The following UBA52 variants were observed in gnomAD, a reference collection of about 807,000 sequenced individuals.
UBA52 encodes the protein ubiquitin A-52 residue ribosomal protein fusion product 1.
In UBA52, 1 loss-of-function variant was observed where a neutral mutation model predicts 15.3. That is an observed-to-expected ratio of 0.07 (90% CI 0.02 to 0.31). The LOEUF (loss-of-function observed/expected upper bound fraction) is 0.31, where lower values mean the gene tolerates loss of function less well. Ranked by LOEUF, UBA52 falls within the 10% of genes least tolerant of loss-of-function variation. The pLI, the probability that UBA52 is intolerant of heterozygous loss-of-function variation, is 1.00. For synonymous variants in UBA52, 50 were observed against 58.3 expected, an observed-to-expected ratio of 0.86 and a Z score of 0.65; for missense variants, 87 against 168.0, an observed-to-expected ratio of 0.52 and a Z score of 2.66.
In UBA52 at chr19:18,575,642, T is replaced by C. The variant is rs1023042629; in HGVS notation, c.*492T>C. The C allele has an allele frequency of 2.2e-4, 38 of 172,078 alleles. No individual in the cohort carries two copies. The highest frequency in any genetic ancestry group is 7.2e-4 in the Admixed American group (13 of 17,970). 10.7% of individuals were successfully genotyped at this position (172,078 alleles called of 1,614,324 possible). ...TCTCACTATGTTGTCCAGGCTGGTCTTGAACTCCTGGGCTCAAGCCATCCG... is the reference window on the plus strand; with the variant it reads ...TCTCACTATGTTGTCCAGGCTGGTCCTGAACTCCTGGGCTCAAGCCATCCG... On this transcript the variant is annotated 3_prime_UTR_variant, in exon 5 of 5. Transcript: ENST00000442744.
Position 18,574,908 on chromosome 19 carries a change from A to G in UBA52, c.229A>G (p.Ile77Val). ...CCTGGTGTTGCGCCTGCGAGGTGGC[A>G]TTATTGAGCCTTCTCTCCGCCAGCT... ...LHLVLRLRGG[I>V]IEPSLRQLAQ... The change falls in exon 4 of 5, where the codon ATT (isoleucine) becomes GTT (valine). Residue 77 changes from isoleucine (I) to valine (V), a missense_variant. Ile to Val is a conservative substitution (Grantham distance 29, BLOSUM62 3). Transcript: ENST00000442744. 1.2e-6 allele frequency: 2 copies of G among 1,614,038 alleles called. No individual in the cohort carries two copies. Among genetic ancestry groups the G allele is most frequent in the Non-Finnish European group, 1.7e-6 (2 of 1,180,036 alleles).
At chr19:18,572,804 GGA>G (rs945086515) in intron 1 of UBA52, 42 of 1,009,712 alleles carry the variant, frequency 4.2e-5, no homozygotes, top group Admixed American at 2.6e-4. Context: ...GAGTTAGAGA[GGA>G]GAGAGGCTGC....
the UBA52 span, chr19:18,565,100 C>G: frequency 6.4e-7 from 1 of 1,571,250 alleles, no homozygotes; most frequent in South Asian, 1.1e-5. Flanking sequence ...CTTCACATAC[C>G]AGGGTAAAGG....
At chr19:18,570,317 C>G (rs560414704), upstream of UBA52, among the ~76,000 whole-genome samples, 1 of 151,774 alleles carries the variant, frequency 6.6e-6, no homozygotes, top group Non-Finnish European at 1.5e-5. Context: ...CCTCCTGCCT[C>G]CGAAGTAGCT....
rs759278216 is a variant in UBA52, at chr19:18,574,997, G to GA, written c.293+25_293+26insA. On this transcript the variant is annotated intron_variant, in intron 4 of 4. Coordinates refer to ENST00000442744, the MANE Select transcript of UBA52 (RefSeq NM_001033930.3). ...AGTATGTGTGCTCCGATGCTTGGGGGGCTGTGGGGGCTGCCGGAGTCGGGG... is the reference window on the plus strand; with the variant it reads ...AGTATGTGTGCTCCGATGCTTGGGGGAGCTGTGGGGGCTGCCGGAGTCGGGG... 1.9e-6 allele frequency: 3 copies of GA among 1,614,206 alleles called. No homozygotes were observed. The South Asian group carries it at 3.3e-5, about 18-fold the overall frequency.
upstream of UBA52, among the ~76,000 whole-genome samples, chr19:18,567,748 T>A (rs1468343573): frequency 6.6e-6 from 1 of 152,144 alleles, no homozygotes; most frequent in Non-Finnish European, 1.5e-5. Flanking sequence ...CACCATCTGT[T>A]GAAAAGGCCG....
At chr19:18,564,144 C>A in the UBA52 span, among the ~76,000 whole-genome samples, 6 of 152,012 alleles carry the variant, frequency 3.9e-5, no homozygotes, top group African/African-American at 1.2e-4. Flanking sequence ...CTTGACCTCC[C>A]AAAGCGCTGG....
rs10410234 is a variant in UBA52 at position 18,574,846 on chromosome 19, C to T, written c.191-24C>T. The T allele has an allele frequency of 2.1e-4, 334 of 1,611,020 alleles. 1 individual carries two copies. In the African/African-American group the frequency reaches 2.7e-3, roughly 13 times the overall value. ...AGGAGCCAGGGCTGGGCTCAGTCGC[C>T]GTCCTTCTGGCTGTCTCCTGCAGAG... is the stretch of plus-strand genomic sequence containing the variant. On this transcript the variant is annotated intron_variant, in intron 3 of 4. Transcript: ENST00000442744.
At position 18,576,048 on chromosome 19, in the gene UBA52, G is replaced by A. The variant is rs1161504018; in HGVS notation, c.*898G>A. The A allele has an allele frequency of 6.6e-6, 1 of 152,272 alleles. No individual in the cohort carries two copies. Among genetic ancestry groups the A allele is most frequent in the African/African-American group, 2.4e-5 (1 of 41,446 alleles). The allele number at this position is 152,272 out of a possible 1,614,324, so 9.4% of individuals were successfully genotyped here. Reference sequence around the variant, plus strand: ...GGCGTGAGCCAGCACGCCTGGCCCAGTTACTCAGTTTTGAATCTGAGGCCG... The same window carrying A: ...GGCGTGAGCCAGCACGCCTGGCCCAATTACTCAGTTTTGAATCTGAGGCCG... On this transcript the variant is annotated 3_prime_UTR_variant, in exon 5 of 5. Transcript: ENST00000442744.
chr19:18,573,598 C>T, intron 2 of UBA52, 64 bp from the exon 3 acceptor site: 11 of 1,558,784 alleles, frequency 7.1e-6, no homozygotes, highest in Middle Eastern at 1.7e-4. Context: ...TGGAGCTCCC[C>T]TGCAGAGGAC....
chr19:18,567,298 G>T, upstream of UBA52: 1 of 991,614 alleles, frequency 1.0e-6, no homozygotes, highest in East Asian at 2.5e-5. Flanking sequence ...CAGTGGGTCT[G>T]GGGAAACCTG....
In UBA52 at chr19:18,575,090, C is replaced by T. The variant is rs749028252; in HGVS notation, c.327C>T (p.Asn109=). 2 of 1,614,264 alleles carry T rather than the reference C, an allele frequency of 1.2e-6. No homozygotes were observed. The highest frequency in any genetic ancestry group is 2.2e-5 in the South Asian group (2 of 91,090). The change falls in exon 5 of 5, where the codon AAC becomes AAT. Residue 109 remains asparagine, a synonymous_variant. Transcript: ENST00000442744. The part of the protein sequence containing the change: ...CYARLHPRAV[N]CRKKKCGHTN... ...CTCGCCTTCACCCTCGTGCTGTCAA[C>T]TGCCGCAAGAAGAAGTGTGGTCACA...
chr19:18,567,497 C>T (rs140740111), upstream of UBA52, among the ~76,000 whole-genome samples: 434 of 152,332 alleles, frequency 2.8e-3, 1 homozygote, highest in Non-Finnish European at 4.7e-3. Context: ...ACACCAGCCC[C>T]GACATCGTCT....
chr19:18,572,062 G>A (rs1228451419), intron 1 of UBA52, 153 bp downstream of exon 1: 4 of 152,294 alleles, frequency 2.6e-5, no homozygotes, highest in African/African-American at 7.2e-5. Context: ...CCAGACCGGG[G>A]CCCAGGAGGC....
At chr19:18,572,634 C>A in intron 1 of UBA52, 1 of 265,802 alleles carries the variant, frequency 3.8e-6, no homozygotes, top group South Asian at 1.4e-4. Flanking sequence ...CCGGTCGATT[C>A]TTTGTCTTTT....
intron 1 of UBA52, chr19:18,572,288 G>C (rs943078920): frequency 1.3e-5 from 2 of 152,260 alleles, no homozygotes; most frequent in Non-Finnish European, 2.9e-5. Flanking sequence ...ACGTCTGTAA[G>C]GAGGAGCTGG....
At chr19:18,568,843 T>G, upstream of UBA52, 1 of 575,324 alleles carries the variant, frequency 1.7e-6, no homozygotes, top group Non-Finnish European at 3.1e-6. Flanking sequence ...ATCTCTATTC[T>G]GCAAGACCCC....
chr19:18,572,914 T>A, intron 1 of UBA52: 1 of 1,093,168 alleles, frequency 9.1e-7, no homozygotes, highest in Non-Finnish European at 1.1e-6. Context: ...TGGAAGAGGG[T>A]GGGACCGCCT....
upstream of UBA52, chr19:18,568,655 G>T: frequency 6.4e-7 from 1 of 1,560,166 alleles, no homozygotes. Context: ...TGCCTTGAGG[G>T]GGTCTCAGGG....
Sources: allele counts gnomAD v4.1 joint callset (sites outside exome capture counted in the v4.1 genomes callset), GRCh38; gene constraint gnomAD v4.1.1; transcripts MANE v1.5; gene names NCBI Gene and HGNC (gene_info 2026-07-23, HGNC 2026-07-21).